The following USH2A variants were observed in gnomAD, a reference collection of about 807,000 sequenced individuals.
USH2A encodes the protein usherin, also known as Usher syndrome 2A (autosomal recessive, mild).
In USH2A, 443 loss-of-function variants were observed where a neutral mutation model predicts 538.9. The observed-to-expected ratio is 0.82, with a 90% CI of 0.76 to 0.89. The LOEUF (loss-of-function observed/expected upper bound fraction) is 0.89. Among genes scored for constraint, USH2A ranks in the 40% least tolerant of loss-of-function variants. The pLI is 0.00. For synonymous variants in USH2A, 2,413 were observed against 2,273.5 expected, an observed-to-expected ratio of 1.06 and a Z score of -1.75; for missense variants, 6,633 against 6,324.8, an observed-to-expected ratio of 1.05 and a Z score of -1.65.
intron 38 of USH2A, among the ~76,000 whole-genome samples, chr1:215,912,424 G>A: frequency 1.1e-5 from 1 of 94,952 alleles, no homozygotes; most frequent in African/African-American, 3.9e-5. Context: ...AAATTTCTAA[G>A]AATTTTTGAG....
intron 38 of USH2A, among the ~76,000 whole-genome samples, chr1:215,934,343 T>C (rs896947076): frequency 2.0e-5 from 3 of 151,946 alleles, no homozygotes; most frequent in Non-Finnish European, 4.4e-5. Context: ...TCCAGATATA[T>C]ATATGTGTGT....
intron 61 of USH2A, among the ~76,000 whole-genome samples, chr1:215,695,270 C>T (rs546485707): frequency 3.3e-5 from 5 of 152,274 alleles, no homozygotes; most frequent in Admixed American, 2.0e-4. Flanking sequence ...CCAAATCCAC[C>T]TTTGACTTTC....
intron 21 of USH2A, among the ~76,000 whole-genome samples, chr1:216,166,094 C>T (rs531255064): frequency 5.4e-4 from 82 of 152,074 alleles, no homozygotes; most frequent in African/African-American, 1.9e-3. Flanking sequence ...TTGTTGGTTT[C>T]TATAGTAGTA....
At chr1:215,726,309 C>CT (rs1659815725) in intron 61 of USH2A, among the ~76,000 whole-genome samples, 1 of 151,888 alleles carries the variant, frequency 6.6e-6, no homozygotes, top group Non-Finnish European at 1.5e-5. Context: ...AACTAGAAGA[C>CT]ATAATATAAA....
Position 215,743,251 on chromosome 1 carries a change from T to A in USH2A, c.11474A>T (p.His3825Leu), listed in dbSNP as rs1660356334. 2 of 1,612,422 alleles carry A rather than the reference T, an allele frequency of 1.2e-6. No individual in the cohort carries two copies. Among genetic ancestry groups the A allele is most frequent in the East Asian group, 4.5e-5 (2 of 44,762 alleles). Residue 3825 changes from histidine to leucine, a missense_variant, in exon 59 of 72, where the codon CAT becomes CTT. Coordinates refer to ENST00000307340, the MANE Select transcript of USH2A (RefSeq NM_206933.4). ...ATTTTCCAGAAGGGTGGATTGATGATGACCAACGGAGAAGGCCAGAGGTGT... is the reference window on the plus strand; with the variant it reads ...ATTTTCCAGAAGGGTGGATTGATGAAGACCAACGGAGAAGGCCAGAGGTGT... ...SVTPLAFSVG[H>L]HQSTLLENLT... is the part of the protein sequence containing the mutation.
intron 50 of USH2A, 73 bp from the exon 51 acceptor site, chr1:215,790,355 G>A: frequency 6.4e-7 from 1 of 1,553,868 alleles, no homozygotes; most frequent in Non-Finnish European, 8.8e-7. Flanking sequence ...TATAAAGTTT[G>A]GTATAAAAAT....
intron 35 of USH2A, among the ~76,000 whole-genome samples, chr1:215,976,569 C>T (rs535120457): frequency 5.3e-5 from 8 of 152,112 alleles, no homozygotes; most frequent in African/African-American, 1.2e-4. Context: ...TTGAGATGAT[C>T]GTGTGATTTT....
chr1:216,087,168 C>A (rs976474151), intron 23 of USH2A, among the ~76,000 whole-genome samples: 1 of 152,124 alleles, frequency 6.6e-6, no homozygotes, highest in Non-Finnish European at 1.5e-5. Flanking sequence ...CAATGGAAAT[C>A]CCTGTTCATA....
At chr1:215,785,966 C>CACACAA (rs985312026) in intron 52 of USH2A, among the ~76,000 whole-genome samples, 1 of 150,722 alleles carries the variant, frequency 6.6e-6, no homozygotes, top group African/African-American at 2.5e-5. Flanking sequence ...CACACACACA[C>CACACAA]ACAAACTTGA....
intron 14 of USH2A, among the ~76,000 whole-genome samples, chr1:216,226,037 A>G (rs1300949692): frequency 6.6e-6 from 1 of 152,208 alleles, no homozygotes; most frequent in African/African-American, 2.4e-5. Flanking sequence ...AAGAGTTAGA[A>G]AACAAATAAG....
intron 64 of USH2A, among the ~76,000 whole-genome samples, chr1:215,660,503 T>G (rs552542797): frequency 6.6e-6 from 1 of 152,318 alleles, no homozygotes; most frequent in Non-Finnish European, 1.5e-5. Context: ...GCATTTGGAA[T>G]TTAGCCCACA....
chr1:216,414,137 T>G (rs1158628791), intron 3 of USH2A, among the ~76,000 whole-genome samples: 1 of 152,138 alleles, frequency 6.6e-6, no homozygotes, highest in Non-Finnish European at 1.5e-5. Context: ...TTAAAAATTT[T>G]GCTAATATGA....
At chr1:215,633,249 C>T (rs560283830) in intron 70 of USH2A, among the ~76,000 whole-genome samples, 3 of 152,178 alleles carry the variant, frequency 2.0e-5, no homozygotes, top group African/African-American at 4.8e-5. Flanking sequence ...AAGGAGGCTC[C>T]GAGGAGGATG....
chr1:215,739,012 C>T (rs546564605), intron 60 of USH2A, among the ~76,000 whole-genome samples: 2 of 152,312 alleles, frequency 1.3e-5, no homozygotes, highest in African/African-American at 4.8e-5. Context: ...TGTCTAAGCA[C>T]ATTTAAACTT....
chr1:215,932,577 C>A (rs569142638), intron 38 of USH2A, among the ~76,000 whole-genome samples: 1 of 152,084 alleles, frequency 6.6e-6, no homozygotes, highest in South Asian at 2.1e-4. Flanking sequence ...TTGTAATCAA[C>A]AACAATCTAA....
At chr1:215,824,807 A>G (rs1288873085) in intron 47 of USH2A, among the ~76,000 whole-genome samples, 2 of 152,132 alleles carry the variant, frequency 1.3e-5, no homozygotes, top group Non-Finnish European at 2.9e-5. Flanking sequence ...TGCAGAAATC[A>G]AGGGTCAGGA....
chr1:215,699,773 C>T (rs1313373700), intron 61 of USH2A, among the ~76,000 whole-genome samples: 1 of 152,220 alleles, frequency 6.6e-6, no homozygotes, highest in Admixed American at 6.5e-5. Flanking sequence ...TTGACTTCCT[C>T]TCTTCCTATT....
At chr1:216,112,030 G>A (rs2032885668) in intron 21 of USH2A, among the ~76,000 whole-genome samples, 1 of 151,808 alleles carries the variant, frequency 6.6e-6, no homozygotes, top group Admixed American at 6.6e-5. Flanking sequence ...CTTTTTACTT[G>A]ACTGCCATTA....
At chr1:215,735,928 ATAT>A (rs1487466415) in intron 60 of USH2A, among the ~76,000 whole-genome samples, 1 of 152,132 alleles carries the variant, frequency 6.6e-6, no homozygotes, top group African/African-American at 2.4e-5. Flanking sequence ...AATTCCACAC[ATAT>A]TATTTAATTC....
Sources: allele counts gnomAD v4.1 joint callset (sites outside exome capture counted in the v4.1 genomes callset), GRCh38; gene constraint gnomAD v4.1.1; transcripts MANE v1.5; gene names NCBI Gene and HGNC (gene_info 2026-07-23, HGNC 2026-07-21).